TIMD4: variants seen among roughly 807,000 people sequenced by gnomAD.
TIMD4 encodes T cell immunoglobulin and mucin domain containing 4, also known as T-cell immunoglobulin and mucin domain-containing protein 4.
In TIMD4, 31 loss-of-function variants were observed where a neutral mutation model predicts 41.2. The ratio of observed to expected loss-of-function variants is 0.75; its 90% CI spans 0.57 to 1.01. The LOEUF (loss-of-function observed/expected upper bound fraction) is 1.01. Ranked by LOEUF, TIMD4 falls within the 50% of genes least tolerant of loss-of-function variation. The pLI is 0.00. For synonymous variants in TIMD4, 204 were observed against 177.1 expected, an observed-to-expected ratio of 1.15 and a Z score of -1.21; for missense variants, 479 against 472.5, an observed-to-expected ratio of 1.01 and a Z score of -0.13.
At chr5:156,954,034 T>A (rs376204733) in intron 2 of TIMD4, among the ~76,000 whole-genome samples, 9 of 152,216 alleles carry the variant, frequency 5.9e-5, no homozygotes, top group East Asian at 1.9e-4. Flanking sequence ...GACCCCTGAA[T>A]ACATTTTATT....
At chr5:156,920,342 A>T in intron 8 of TIMD4, 122 bp downstream of exon 8, 1 of 1,125,838 alleles carries the variant, frequency 8.9e-7, no homozygotes, top group East Asian at 2.4e-5. Context: ...CTAATGTCAC[A>T]TCTTTCCAAC....
chr5:156,921,616 CAAAAAAAAAA>C lies in TIMD4; in HGVS notation c.1012+473_1012+482del, dbSNP rs66842169. 9.7e-4 allele frequency among the ~76,000 whole-genome samples: 46 copies of C among 47,272 alleles called. 1 individual carries two copies. The South Asian group carries it at 0.022, about 22-fold the overall frequency. The allele number at this position is 47,272 out of a possible 152,430, so 31.0% of individuals were successfully genotyped here. ...CCTGGACAACAGAATGAGACTCTCT[CAAAAAAAAAA>C]AAAAAAAAAAAAAAAAAAAAGAAGA... On this transcript the variant is annotated intron_variant, in intron 7 of 8. Transcript: ENST00000274532.
Position 156,922,120 on chromosome 5 carries a change from A to G in TIMD4, c.991T>C (p.Phe331Leu). The part of the protein sequence containing the change: ...PSLGFVLFAL[F>L]VAFLLRGKLM... ...TTACCTCTCAGGAGAAACGCCACAA[A>G]CAATGCGAAGAGCACAAATCCCAAG... The change falls in exon 7 of 9, where the codon TTT (phenylalanine) becomes CTT (leucine). Residue 331 changes from phenylalanine (F) to leucine (L), a missense_variant. Transcript: ENST00000274532. The G allele has an allele frequency of 6.2e-7, 1 of 1,613,886 alleles. No individual in the cohort carries two copies. The highest frequency in any genetic ancestry group is 1.3e-5 in the African/African-American group (1 of 75,038).
At chr5:156,932,230 G>A (rs186067845) in intron 5 of TIMD4, among the ~76,000 whole-genome samples, 1 of 152,252 alleles carries the variant, frequency 6.6e-6, no homozygotes, top group East Asian at 1.9e-4. Context: ...TTTCTCAAAT[G>A]TGACTTTTCA....
intron 2 of TIMD4, 74 bp downstream of exon 2, chr5:156,954,341 C>T: frequency 7.1e-7 from 1 of 1,407,506 alleles, no homozygotes; most frequent in Non-Finnish European, 9.7e-7. Context: ...CTCTTCACCA[C>T]CATCCACTGA....
At chr5:156,961,261 A>T (rs1198893714) in intron 1 of TIMD4, among the ~76,000 whole-genome samples, 1 of 152,240 alleles carries the variant, frequency 6.6e-6, no homozygotes, top group Non-Finnish European at 1.5e-5. Context: ...AAGAAAGAGG[A>T]ACTCTCGTAC....
At chr5:156,938,961 T>C (rs566958946) in intron 5 of TIMD4, among the ~76,000 whole-genome samples, 1 of 152,318 alleles carries the variant, frequency 6.6e-6, no homozygotes, top group South Asian at 2.1e-4. Flanking sequence ...TCTTCCTGTC[T>C]AGCTCCTTAG....
intron 5 of TIMD4, among the ~76,000 whole-genome samples, chr5:156,942,559 A>T (rs772336208): frequency 6.6e-6 from 1 of 152,218 alleles, no homozygotes; most frequent in Non-Finnish European, 1.5e-5. Context: ...GACCTTGGAT[A>T]AATCATTCTA....
chr5:156,956,067 A>C (rs1427559214), intron 1 of TIMD4, among the ~76,000 whole-genome samples: 1 of 152,224 alleles, frequency 6.6e-6, no homozygotes, highest in Non-Finnish European at 1.5e-5. Flanking sequence ...AGATCAGTAC[A>C]ACTTAGTCCT....
chr5:156,949,417 T>TCCC (rs1561552112), intron 4 of TIMD4, among the ~76,000 whole-genome samples: 2 of 107,186 alleles, frequency 1.9e-5, no homozygotes, highest in South Asian at 7.9e-4. Flanking sequence ...TTTCCCTACC[T>TCCC]CCCTCCTCCT....
At chr5:156,932,531 C>A (rs10079117) in intron 5 of TIMD4, among the ~76,000 whole-genome samples, 2 of 152,038 alleles carry the variant, frequency 1.3e-5, no homozygotes, top group African/African-American at 2.4e-5. Context: ...CAAAGGCCTG[C>A]GAGGGTTAAT....
intron 5 of TIMD4, among the ~76,000 whole-genome samples, chr5:156,928,203 C>G (rs1174041967): frequency 6.6e-6 from 1 of 152,032 alleles, no homozygotes; most frequent in Non-Finnish European, 1.5e-5. Context: ...GAGGCTGAAG[C>G]AGGAGAATCG....
At chr5:156,943,567 A>G (rs536707352) in intron 5 of TIMD4, among the ~76,000 whole-genome samples, 68 of 152,350 alleles carry the variant, frequency 4.5e-4, no homozygotes, top group African/African-American at 1.4e-3. Flanking sequence ...GGGATGTTAT[A>G]GAGGCAGTGA....
rs35165963 is a variant in TIMD4 at position 156,953,653 on chromosome 5, CAAAAAAAA to C, written c.400+754_400+761del. On this transcript the variant is annotated intron_variant, in intron 2 of 8. Transcript: ENST00000274532. ...TGGGCAACAAGAGCAAAACTCTGTC[CAAAAAAAA>C]AAAAAAAAAAAAAAGAGAGAGAGAG... Among the ~76,000 whole-genome samples, 96 of 58,486 alleles carry C rather than the reference CAAAAAAAA, an allele frequency of 1.6e-3. 1 individual carries two copies. In the South Asian group the frequency reaches 0.022, roughly 13 times the overall value. The allele number at this position is 58,486 out of a possible 152,430, so 38.4% of individuals were successfully genotyped here.
rs55920848 is a variant in TIMD4 at position 156,951,677 on chromosome 5, C to T, written c.514G>A (p.Val172Met). 6.9e-4 allele frequency: 1,111 copies of T among 1,613,894 alleles called. 4 individuals are homozygous for T. The African/African-American group carries it at 0.013, about 19-fold the overall frequency. ...CCGGTTGTGAGATCGGGTGTGGTCA[C>T]GACTGTTGTTGGAAGTGCAGCTGGG... ...TTPAALPTTV[V>M]TTPDLTTGTP... is the part of the protein sequence containing the mutation. Residue 172 changes from valine (V) to methionine (M), a missense_variant, in exon 3 of 9, where the codon GTG becomes ATG. Physicochemically the swap from Val to Met is conservative, Grantham distance 21 (BLOSUM62 1). Coordinates refer to ENST00000274532, the MANE Select transcript of TIMD4 (RefSeq NM_138379.3).
chr5:156,951,732 G>GCTT lies in TIMD4; in HGVS notation c.456_458dup (p.Thr152_Ser153insArg). 2 of 1,614,096 alleles carry GCTT rather than the reference G, an allele frequency of 1.2e-6. No individual in the cohort carries two copies. Among genetic ancestry groups the GCTT allele is most frequent in the East Asian group, 4.5e-5 (2 of 44,878 alleles). The stretch of plus-strand genomic sequence containing the variant: ...TTGTCATTTGTCGGGTGGTGGTGGG[G>GCTT]CTTGTTGTTGTTGTTCTGCGTGTGG... On this transcript the variant is annotated inframe_insertion, in exon 3 of 9. Transcript: ENST00000274532.
intron 3 of TIMD4, among the ~76,000 whole-genome samples, chr5:156,950,215 G>C (rs10475857): frequency 0.041 from 6,188 of 152,112 alleles, 322 homozygotes; most frequent in African/African-American, 0.12. Flanking sequence ...ATCCTCCTGC[G>C]TCAACCTCTG....
chr5:156,925,791 C>CTGCCAAGAGTACAAG (rs1337672417), intron 6 of TIMD4, among the ~76,000 whole-genome samples: 1 of 152,198 alleles, frequency 6.6e-6, no homozygotes, highest in Non-Finnish European at 1.5e-5. Flanking sequence ...GAGTACAAGT[C>CTGCCAAGAGTACAAG]TATAAATTAT....
rs776520099 is a variant in TIMD4 at position 156,926,277 on chromosome 5, T to C, written c.880A>G (p.Thr294Ala). Residue 294 changes from threonine (T) to alanine (A), a missense_variant, in exon 6 of 9, where the codon ACA becomes GCA. Thr to Ala is a moderately conservative substitution (Grantham distance 58). Coordinates refer to ENST00000274532, the MANE Select transcript of TIMD4 (RefSeq NM_138379.3). ...DTAVPEQNKT[T>A]KTGQMDGIPM... ...AGATTTTTTACCTGTCCTGTTTTTG[T>C]TGTTTTGTTCTGCTCAGGAACTGCT... 7.4e-6 allele frequency: 12 copies of C among 1,613,474 alleles called. No individual in the cohort carries two copies. In the East Asian group the frequency reaches 2.2e-4, roughly 30 times the overall value.
Sources: allele counts gnomAD v4.1 joint callset (sites outside exome capture counted in the v4.1 genomes callset), GRCh38; gene constraint gnomAD v4.1.1; transcripts MANE v1.5; gene names NCBI Gene and HGNC (gene_info 2026-07-23, HGNC 2026-07-21).